Variants in OFD1 observed in about 807,000 individuals in gnomAD.
The protein encoded by OFD1 is OFD1 centriole and centriolar satellite protein.
OFD1 carries 12 observed loss-of-function variants against 81.4 expected under a neutral mutation model. The observed-to-expected ratio is 0.15, with a 90% CI of 0.09 to 0.24. The LOEUF is 0.24. Ranked by LOEUF, OFD1 falls within the 10% of genes least tolerant of loss-of-function variation. OFD1 has a pLI of 1.00. For synonymous variants in OFD1, 256 were observed against 263.7 expected, an observed-to-expected ratio of 0.97 and a Z score of 0.28; for missense variants, 685 against 733.9, an observed-to-expected ratio of 0.93 and a Z score of 0.77.
chrX:13,764,134 C>G, intron 19 of OFD1, among the ~76,000 whole-genome samples: 1 of 112,144 alleles, frequency 8.9e-6, no homozygotes, highest in Non-Finnish European at 1.9e-5. Flanking sequence ...TTTTCATTTA[C>G]TCTTCAGTGC....
In OFD1 at chrX:13,761,218, A is replaced by G. The variant is rs779986655; in HGVS notation, c.2387+7A>G. ...CTCCGGAGCAGAAAGTGGGGTAAGT[A>G]TAACGTTCTGATTGATTAGCTTCAG... On this transcript the variant is annotated splice_region_variant and intron_variant, in intron 17 of 22. Coordinates refer to ENST00000340096, the MANE Select transcript of OFD1 (RefSeq NM_003611.3). 4.1e-6 allele frequency: 5 copies of G among 1,209,388 alleles called. No individual in the cohort carries two copies. The highest frequency in any genetic ancestry group is 5.9e-5 in the East Asian group (2 of 33,793).
At chrX:13,722,208 C>CCAAAAAAAAAAAA in the OFD1 span, 3 of 36,114 alleles carry the variant, frequency 8.3e-5, no homozygotes, top group African/African-American at 3.6e-4. Flanking sequence ...TAAGCAGCAG[C>CCAAAAAAAAAAAA]AAAAAAAAAA....
intron 6 of OFD1, among the ~76,000 whole-genome samples, chrX:13,744,851 T>C (rs746081216): frequency 1.8e-5 from 2 of 112,640 alleles, no homozygotes; most frequent in African/African-American, 3.2e-5. Flanking sequence ...GTTAGAAGAT[T>C]ATAAACTACT....
chrX:13,724,945 T>C, the OFD1 span, among the ~76,000 whole-genome samples: 1 of 113,271 alleles, frequency 8.8e-6, no homozygotes, highest in Non-Finnish European at 1.9e-5. Context: ...ACAAGGAGAT[T>C]CTCTCCCATG....
rs753706475 is a variant in OFD1, at chrX:13,746,767, G to C, written c.655-13G>C. On this transcript the variant is annotated splice_polypyrimidine_tract_variant and intron_variant, in intron 7 of 22. Coordinates refer to ENST00000340096, the MANE Select transcript of OFD1 (RefSeq NM_003611.3). ...ATAGTTGGTATTTTTAATTTTTTGTGATCAATTTGCAGTTGAAGTTTTTTA... is the reference window on the plus strand; with the variant it reads ...ATAGTTGGTATTTTTAATTTTTTGTCATCAATTTGCAGTTGAAGTTTTTTA... The C allele has an allele frequency of 2.6e-6, 3 of 1,173,018 alleles. No homozygotes were observed. Among genetic ancestry groups the C allele is most frequent in the Admixed American group, 4.5e-5 (2 of 44,756 alleles).
At chrX:13,733,155 T>C (rs77935405), upstream of OFD1, among the ~76,000 whole-genome samples, 1 of 110,753 alleles carries the variant, frequency 9.0e-6, no homozygotes, top group African/African-American at 3.3e-5. Context: ...TTTTTTTTTT[T>C]AAACAGTGGA....
At chrX:13,738,445 C>T (rs2046960481) in intron 3 of OFD1, among the ~76,000 whole-genome samples, 1 of 112,134 alleles carries the variant, frequency 8.9e-6, no homozygotes, top group Non-Finnish European at 1.9e-5. Context: ...ACTTTAATTA[C>T]GGTTTTAAGG....
chrX:13,747,777 A>AG (rs1324436744), intron 8 of OFD1, among the ~76,000 whole-genome samples: 3 of 111,643 alleles, frequency 2.7e-5, no homozygotes, highest in African/African-American at 9.8e-5. Flanking sequence ...GAAATGAGCA[A>AG]GGGTGAAGGT....
rs1158126675 is a variant in OFD1 at position 13,735,309 on chromosome X, A to G, written c.74A>G (p.Gln25Arg). The G allele has an allele frequency of 2.2e-5, 27 of 1,209,352 alleles. No individual in the cohort carries two copies. The highest frequency in any genetic ancestry group is 4.6e-4 in the Middle Eastern group (2 of 4,374). The change falls in exon 2 of 23, where the codon CAG becomes CGG. Residue 25 changes from glutamine (Q) to arginine (R), a missense_variant. By Grantham distance (43) the Gln-to-Arg change is conservative. This residue lies in a region of OFD1 where 414 missense variants were observed against 447.2 expected (regional missense o/e 0.93). Transcript: ENST00000340096. ...GATGAACTGCGCAAAAAGCTATACCAGACGTTTAAGGATCGGGGTATACTG... is the reference window on the plus strand; with the variant it reads ...GATGAACTGCGCAAAAAGCTATACCGGACGTTTAAGGATCGGGGTATACTG... ...SQDELRKKLY[Q>R]TFKDRGILDT...
At chrX:13,772,660 CT>C, downstream of OFD1, 1 of 339,954 alleles carries the variant, frequency 2.9e-6, no homozygotes, top group Non-Finnish European at 5.2e-6. Context: ...AAAGTGTTGC[CT>C]TTTAAAATGG....
chrX:13,723,857 G>GGCCCTAACA, the OFD1 span, among the ~76,000 whole-genome samples: 1 of 111,217 alleles, frequency 9.0e-6, no homozygotes, highest in African/African-American at 3.3e-5. Context: ...GAGTATGTTA[G>GGCCCTAACA]GGCCCACGGC....
intron 14 of OFD1, 105 bp downstream of exon 14, chrX:13,757,895 A>C (rs1472479704): frequency 1.1e-6 from 1 of 920,490 alleles, no homozygotes; most frequent in Non-Finnish European, 1.6e-6. Context: ...TTTTAACATC[A>C]AACATTACTC....
rs761915805 is a variant in OFD1 at position 13,760,699 on chromosome X, G to A, written c.2239G>A (p.Glu747Lys). Reference sequence around the variant, plus strand: ...CCTTCCAAAAGCAAAAAGAAGCCTCGAAAGTGAAATGTATCTGGAAGGTAA... The same window carrying A: ...CCTTCCAAAAGCAAAAAGAAGCCTCAAAAGTGAAATGTATCTGGAAGGTAA... ...TPLPKAKRSL[E>K]SEMYLEGLGR... Residue 747 changes from glutamate to lysine, a missense_variant, in exon 16 of 23, where the codon GAA becomes AAA. This residue lies in a region of OFD1 where 259 missense variants were observed against 254.4 expected (regional missense o/e 1.02). Coordinates refer to ENST00000340096, the MANE Select transcript of OFD1 (RefSeq NM_003611.3). 9.1e-6 allele frequency: 11 copies of A among 1,209,569 alleles called. No homozygotes were observed. The highest frequency in any genetic ancestry group is 1.1e-5 in the Non-Finnish European group (10 of 895,067).
chrX:13,735,844 T>G (rs964432341), intron 2 of OFD1, among the ~76,000 whole-genome samples: 1 of 112,360 alleles, frequency 8.9e-6, no homozygotes, highest in Non-Finnish European at 1.9e-5. Flanking sequence ...GCTTTATATT[T>G]GGATTAACAG....
intron 3 of OFD1, among the ~76,000 whole-genome samples, chrX:13,738,382 G>T (rs2146925384): frequency 8.9e-6 from 1 of 112,677 alleles, no homozygotes; most frequent in South Asian, 3.6e-4. Flanking sequence ...TACTGTAGTA[G>T]AAATATATTT....
Position 13,760,706 on chromosome X carries a change from A to C in OFD1, c.2246A>C (p.Glu749Ala). Residue 749 changes from glutamate to alanine, a missense_variant, in exon 16 of 23, where the codon GAA becomes GCA. By Grantham distance (107) the Glu-to-Ala change is moderately radical (BLOSUM62 -1). This residue lies in a region of OFD1 where 259 missense variants were observed against 254.4 expected (regional missense o/e 1.02). Transcript: ENST00000340096. The stretch of plus-strand genomic sequence containing the variant: ...AAAGCAAAAAGAAGCCTCGAAAGTG[A>C]AATGTATCTGGAAGGTAAGCCACCC... The part of the protein sequence containing the change: ...LPKAKRSLES[E>A]MYLEGLGRSH... 1 of 1,211,444 alleles carries C rather than the reference A, an allele frequency of 8.3e-7. No individual in the cohort carries two copies. The highest frequency in any genetic ancestry group is 1.7e-5 in the African/African-American group (1 of 57,683).
chrX:13,741,341 A>ATTTTTTTAAATCTTTTT (rs918429535), intron 5 of OFD1, among the ~76,000 whole-genome samples: 1 of 110,557 alleles, frequency 9.0e-6, no homozygotes, highest in East Asian at 2.9e-4. Context: ...TCCTGGTAAG[A>ATTTTTTTAAATCTTTTT]TAAAATTTTT....
chrX:13,766,908 C>T (rs892795776), intron 19 of OFD1, among the ~76,000 whole-genome samples: 4 of 110,686 alleles, frequency 3.6e-5, no homozygotes, highest in African/African-American at 9.9e-5. Context: ...GTGAGGGTGA[C>T]GTATTTGTCT....
At chrX:13,745,931 A>G (rs1444192757) in intron 6 of OFD1, among the ~76,000 whole-genome samples, 1 of 112,680 alleles carries the variant, frequency 8.9e-6, no homozygotes, top group Non-Finnish European at 1.9e-5. Context: ...AGCTTTAACC[A>G]GAGTCCAATA....
Sources: gnomAD v4.1 joint callset for allele counts (sites outside exome capture counted in the v4.1 genomes callset) on GRCh38, gnomAD v4.1.1 for gene constraint, gnomAD v4.1.1 regional missense constraint, MANE v1.5 for transcripts, NCBI Gene and HGNC (gene_info 2026-07-23, HGNC 2026-07-21) for gene names.